Variants in ZNF16 observed in about 807,000 individuals in gnomAD.
The protein encoded by ZNF16 is zinc finger protein KOX9.
A neutral mutation model predicts 9.0 loss-of-function variants in ZNF16; 7 were observed. The ratio of observed to expected loss-of-function variants is 0.78; its 90% CI spans 0.44 to 1.47. The LOEUF (loss-of-function observed/expected upper bound fraction) is 1.47. Ranked by LOEUF, ZNF16 falls within the 40% of genes most tolerant of loss-of-function variation. The pLI is 0.01. For missense variants in ZNF16, 830 were observed against 854.2 expected (o/e 0.97, Z 0.35); for synonymous variants, 312 against 301.5 (o/e 1.03, Z -0.36).
intron 2 of ZNF16, chr8:144,945,709 G>T: frequency 6.7e-6 from 2 of 299,298 alleles, no homozygotes. Flanking sequence ...GGAGAGGGCT[G>T]CCACCAGCCT....
chr8:144,946,212 G>A lies in ZNF16; in HGVS notation c.-6C>T. Reference sequence around the variant, plus strand: ...CGAGTTCTGAGGCTGGGCATGACAAGGACCTGAAAACCGGCAAGAACACAG... The same window carrying A: ...CGAGTTCTGAGGCTGGGCATGACAAAGACCTGAAAACCGGCAAGAACACAG... On this transcript the variant is annotated 5_prime_UTR_variant, in exon 2 of 3. Transcript: ENST00000394909. The A allele has an allele frequency of 6.6e-7, 1 of 1,506,868 alleles. No homozygotes were observed. Among genetic ancestry groups the A allele is most frequent in the Non-Finnish European group, 8.9e-7 (1 of 1,122,480 alleles). 93.3% of individuals were successfully genotyped at this position (1,506,868 alleles called of 1,614,324 possible). A position where few individuals can be genotyped will look rare whatever the true frequency, so the allele number is the denominator to read the frequency against.
intron 1 of ZNF16, among the ~76,000 whole-genome samples, chr8:144,947,416 C>G (rs1833991591): frequency 6.7e-6 from 1 of 149,252 alleles, no homozygotes; most frequent in South Asian, 2.1e-4. Context: ...GCTGTGACCA[C>G]TCTTCTCACT....
At chr8:144,939,595 C>CA (rs58274217) in intron 2 of ZNF16, among the ~76,000 whole-genome samples, 4,386 of 57,044 alleles carry the variant, frequency 0.077, 399 homozygotes, top group Admixed American at 0.095. Flanking sequence ...GACTCCGTCT[C>CA]AAAAAAAAAA....
intron 2 of ZNF16, among the ~76,000 whole-genome samples, chr8:144,940,901 G>A (rs879869503): frequency 1.3e-5 from 2 of 152,188 alleles, no homozygotes; most frequent in Non-Finnish European, 2.9e-5. Context: ...AAGCTAACAA[G>A]CTCCCTCAGG....
chr8:144,946,304 C>T, intron 1 of ZNF16, 89 bp from the exon 2 acceptor site: 2 of 1,263,454 alleles, frequency 1.6e-6, no homozygotes, highest in South Asian at 4.5e-5. Context: ...CTTCCTCCAC[C>T]CCTGCAGCCC....
In ZNF16 at chr8:144,930,741, T is replaced by C. The variant is rs566543911; in HGVS notation, c.2046A>G (p.Glu682=). 24 of 1,523,544 alleles carry C rather than the reference T, an allele frequency of 1.6e-5. 1 individual carries two copies. The South Asian group carries it at 2.8e-4, about 18-fold the overall frequency. The allele number at this position is 1,523,544 out of a possible 1,614,324, so 94.4% of individuals were successfully genotyped here. A position where few individuals can be genotyped will look rare whatever the true frequency, so the allele number is the denominator to read the frequency against. The change falls in exon 3 of 3, where the codon GAA becomes GAG. Residue 682 remains glutamate, a synonymous_variant. Coordinates refer to ENST00000394909, the MANE Select transcript of ZNF16 (RefSeq NM_006958.3). The stretch of plus-strand genomic sequence containing the variant: ...TCACTCCTGCCAGCCCAACAGCCTA[T>C]TCCCTGGTGTGAATCAACTGGTGTT... ...LIKHQLIHTR[E] is the part of the protein sequence containing the mutation.
intron 2 of ZNF16, among the ~76,000 whole-genome samples, chr8:144,938,800 T>C (rs1309822840): frequency 6.6e-6 from 1 of 152,242 alleles, no homozygotes; most frequent in African/African-American, 2.4e-5. Flanking sequence ...AGTGGCATGT[T>C]TGTCTTGTTA....
chr8:144,946,030 G>C lies in ZNF16; in HGVS notation c.177C>G (p.Cys59Trp), dbSNP rs754054253. The change falls in exon 2 of 3, where the codon TGC becomes TGG. Residue 59 changes from cysteine (C) to tryptophan (W), a missense_variant. Physicochemically the swap from Cys to Trp is radical, Grantham distance 215. Coordinates refer to ENST00000394909, the MANE Select transcript of ZNF16 (RefSeq NM_006958.3). ...AAGTACCTGGCTGCTGATAGTGAGG[G>C]CAGATGGCTTCCAGCTCAGTATCAC... ...CCSDTELEAI[C>W]PHYQQPDCDT... is the part of the protein sequence containing the mutation. 1 of 1,613,758 alleles carries C rather than the reference G, an allele frequency of 6.2e-7. No individual in the cohort carries two copies. Among genetic ancestry groups the C allele is most frequent in the Non-Finnish European group, 8.5e-7 (1 of 1,179,804 alleles).
rs755566892 is a variant in ZNF16 at position 144,930,699 on chromosome 8, G to C, written c.*39C>G. The C allele has an allele frequency of 4.6e-6, 7 of 1,513,646 alleles. No homozygotes were observed. The East Asian group carries it at 1.6e-4, about 34-fold the overall frequency. 93.8% of individuals were successfully genotyped at this position (1,513,646 alleles called of 1,614,324 possible). A position where few individuals can be genotyped will look rare whatever the true frequency, so the allele number is the denominator to read the frequency against. ...ACAATGGCCAAAGAGGAGTTGGAGA[G>C]GAAACTATGCTCGGTTTCACTCCTG... is the stretch of plus-strand genomic sequence containing the variant. On this transcript the variant is annotated 3_prime_UTR_variant, in exon 3 of 3. Transcript: ENST00000394909.
At chr8:144,950,161 T>C (rs1474331575) in intron 1 of ZNF16, among the ~76,000 whole-genome samples, 2 of 151,764 alleles carry the variant, frequency 1.3e-5, no homozygotes, top group Non-Finnish European at 2.9e-5. Context: ...CCCCTTAAAC[T>C]TAATTATGGC....
intron 2 of ZNF16, among the ~76,000 whole-genome samples, chr8:144,937,902 A>T (rs2130020174): frequency 6.6e-6 from 1 of 152,178 alleles, no homozygotes; most frequent in Non-Finnish European, 1.5e-5. Flanking sequence ...TCCTGGCCTC[A>T]AGCGATCCTC....
chr8:144,939,332 A>G (rs13248950), intron 2 of ZNF16, among the ~76,000 whole-genome samples: 40,929 of 151,940 alleles, frequency 0.27, 5,543 homozygotes, highest in East Asian at 0.36. Context: ...TGGGCCAGGC[A>G]CGGTTGCTCA....
rs140229139 is a variant in ZNF16, at chr8:144,946,022, T to C, written c.185A>G (p.Tyr62Cys). The C allele has an allele frequency of 1.4e-5, 23 of 1,613,610 alleles. No homozygotes were observed. The highest frequency in any genetic ancestry group is 1.9e-5 in the Non-Finnish European group (23 of 1,179,720). ...DTELEAICPHYQQPDCDTRTE... is the reference protein window; with the variant it reads ...DTELEAICPHCQQPDCDTRTE... ...TGTTCTTAAAGTACCTGGCTGCTGA[T>C]AGTGAGGGCAGATGGCTTCCAGCTC... Residue 62 changes from tyrosine to cysteine, a missense_variant, in exon 2 of 3, where the codon TAT becomes TGT. Coordinates refer to ENST00000394909, the MANE Select transcript of ZNF16 (RefSeq NM_006958.3).
rs149970563 is a variant in ZNF16, at chr8:144,931,323, C to T, written c.1464G>A (p.Pro488=). ...KHQIIHTGEK[P]YRCSVCGKAF... is the part of the protein sequence containing the mutation. Reference sequence around the variant, plus strand: ...CCTTCCCACAGACACTGCATCTGTACGGCTTCTCTCCCGTGTGGATGATCT... The same window carrying T: ...CCTTCCCACAGACACTGCATCTGTATGGCTTCTCTCCCGTGTGGATGATCT... Residue 488 remains proline, a synonymous_variant, in exon 3 of 3, where the codon CCG becomes CCA. Coordinates refer to ENST00000394909, the MANE Select transcript of ZNF16 (RefSeq NM_006958.3). The T allele has an allele frequency of 8.7e-5, 140 of 1,613,898 alleles. 1 individual carries two copies. The highest frequency in any genetic ancestry group is 1.0e-4 in the Admixed American group (6 of 60,004).
chr8:144,941,210 T>C (rs1195625857), intron 2 of ZNF16, among the ~76,000 whole-genome samples: 1 of 152,200 alleles, frequency 6.6e-6, no homozygotes, highest in Non-Finnish European at 1.5e-5. Context: ...TCCCTTCCAA[T>C]CTGTCTATGT....
chr8:144,945,130 T>C (rs1426814529), intron 2 of ZNF16: 1 of 151,930 alleles, frequency 6.6e-6, no homozygotes, highest in African/African-American at 2.4e-5. Flanking sequence ...TGCTTTTTTT[T>C]TTTTCAAATT....
chr8:144,930,831 A>G lies in ZNF16; in HGVS notation c.1956T>C (p.Thr652=). The G allele has an allele frequency of 6.3e-7, 1 of 1,591,556 alleles. No homozygotes were observed. Among genetic ancestry groups the G allele is most frequent in the Non-Finnish European group, 8.6e-7 (1 of 1,168,960 alleles). ...SVLIQHQRIH[T]GVKPYDCAAC... is the part of the protein sequence containing the mutation. ...CAGCACAGTCATAGGGCTTCACCCC[A>G]GTGTGAATCCTCTGGTGCTGGATGA... is the stretch of plus-strand genomic sequence containing the variant. Residue 652 remains threonine (T), a synonymous_variant, in exon 3 of 3, where the codon ACT becomes ACC. Coordinates refer to ENST00000394909, the MANE Select transcript of ZNF16 (RefSeq NM_006958.3).
At position 144,947,104 on chromosome 8, in the gene ZNF16, T is replaced by C. The variant is rs74219235; in HGVS notation, c.-9-889A>G. 9.8e-4 allele frequency among the ~76,000 whole-genome samples: 129 copies of C among 131,686 alleles called. 1 individual carries two copies. Among genetic ancestry groups the C allele is most frequent in the African/African-American group, 3.9e-3 (114 of 29,202 alleles). 86.4% of individuals were successfully genotyped at this position (131,686 alleles called of 152,430 possible). On this transcript the variant is annotated intron_variant, in intron 1 of 2. Transcript: ENST00000394909. Reference sequence around the variant, plus strand: ...TGTGGGCCATACCCTGCTGTGGGCCTGTGTCCTGCTGTGGGGCCTGTACCC... The same window carrying C: ...TGTGGGCCATACCCTGCTGTGGGCCCGTGTCCTGCTGTGGGGCCTGTACCC...
chr8:144,946,588 T>TG lies in ZNF16; in HGVS notation c.-9-374dup, dbSNP rs1280734308. Among the ~76,000 whole-genome samples the TG allele has an allele frequency of 2.2e-3, 274 of 123,580 alleles. 4 individuals carry two copies. Among genetic ancestry groups the TG allele is most frequent in the Middle Eastern group, 0.011 (2 of 190 alleles). 81.1% of individuals were successfully genotyped at this position (123,580 alleles called of 152,430 possible). ...CCTGCTGTGGGCCTGTGTCCTGCTG[T>TG]GGGTCTGTATCCTGCTGTTGGGCTT... On this transcript the variant is annotated intron_variant, in intron 1 of 2. Transcript: ENST00000394909.
Sources: gnomAD v4.1 joint callset for allele counts (sites outside exome capture counted in the v4.1 genomes callset) on GRCh38, gnomAD v4.1.1 for gene constraint, MANE v1.5 for transcripts, NCBI Gene and HGNC (gene_info 2026-07-23, HGNC 2026-07-21) for gene names.